The following HAO1 variants were observed in gnomAD, a reference collection of about 807,000 sequenced individuals.
HAO1 encodes the protein 2-Hydroxyacid oxidase 1.
In HAO1, 34 loss-of-function variants were observed where a neutral mutation model predicts 39.7. That is an observed-to-expected ratio of 0.86 (90% confidence interval 0.65 to 1.14). The LOEUF (loss-of-function observed/expected upper bound fraction) is 1.14. Among genes scored for constraint, HAO1 ranks in the 50% most tolerant of loss-of-function variants. HAO1 has a pLI of 0.00. For missense variants in HAO1, 479 were observed against 464.5 expected (o/e 1.03, Z -0.29); for synonymous variants, 172 against 173.2 (o/e 0.99, Z 0.05).
intron 3 of HAO1, among the ~76,000 whole-genome samples, chr20:7,907,084 T>C (rs1399891424): frequency 6.6e-6 from 1 of 152,166 alleles, no homozygotes; most frequent in African/African-American, 2.4e-5. Flanking sequence ...GCAGTAGTGA[T>C]GGTGGTGGTG....
intron 2 of HAO1, among the ~76,000 whole-genome samples, chr20:7,917,656 A>G (rs77614599): frequency 0.089 from 13,566 of 152,152 alleles, 761 homozygotes; most frequent in African/African-American, 0.16. Context: ...GTGGATGCAC[A>G]AAGGGGTCTG....
chr20:7,919,804 TTGCCAAGGACC>T (rs1301269855), intron 2 of HAO1, among the ~76,000 whole-genome samples: 3 of 152,214 alleles, frequency 2.0e-5, no homozygotes, highest in Non-Finnish European at 2.9e-5. Context: ...ATTTCTAATT[TTGCCAAGGACC>T]TGAATTTCTT....
At chr20:7,908,661 A>T (rs556384278) in intron 3 of HAO1, among the ~76,000 whole-genome samples, 1 of 152,288 alleles carries the variant, frequency 6.6e-6, no homozygotes, top group South Asian at 2.1e-4. Flanking sequence ...TCACGGACTC[A>T]GATGGCCATT....
intron 2 of HAO1, among the ~76,000 whole-genome samples, chr20:7,919,608 C>T (rs755616494): frequency 6.6e-6 from 1 of 152,140 alleles, no homozygotes; most frequent in Non-Finnish European, 1.5e-5. Flanking sequence ...CCATGAAGTA[C>T]GTTCTATCTG....
intron 5 of HAO1, among the ~76,000 whole-genome samples, chr20:7,890,925 G>A (rs982693692): frequency 3.9e-5 from 6 of 151,984 alleles, no homozygotes; most frequent in East Asian, 1.9e-4. Flanking sequence ...TATGTACCAC[G>A]GTTTCTTTGT....
chr20:7,889,089 C>T (rs545187812), intron 5 of HAO1, among the ~76,000 whole-genome samples: 13 of 152,216 alleles, frequency 8.5e-5, no homozygotes, highest in South Asian at 2.1e-4. Context: ...GTAATAATGA[C>T]GATTGTGGTT....
intron 2 of HAO1, among the ~76,000 whole-genome samples, chr20:7,932,347 G>T (rs1284220552): frequency 6.6e-6 from 1 of 152,154 alleles, no homozygotes; most frequent in Non-Finnish European, 1.5e-5. Flanking sequence ...TGGCTCCAGG[G>T]TGCCTTACCA....
intron 5 of HAO1, among the ~76,000 whole-genome samples, chr20:7,894,031 A>T (rs1330878078): frequency 6.6e-6 from 1 of 152,152 alleles, no homozygotes; most frequent in East Asian, 1.9e-4. Context: ...GCCAGAGCAG[A>T]AGCAAAAAAT....
chr20:7,901,097 C>A (rs1240239797), intron 4 of HAO1, among the ~76,000 whole-genome samples: 1 of 152,110 alleles, frequency 6.6e-6, no homozygotes, highest in Non-Finnish European at 1.5e-5. Context: ...GGTGAGGAAG[C>A]TGCAGAAAAA....
At chr20:7,910,773 C>A (rs2050275505) in intron 3 of HAO1, among the ~76,000 whole-genome samples, 2 of 152,138 alleles carry the variant, frequency 1.3e-5, no homozygotes, top group African/African-American at 2.4e-5. Flanking sequence ...CTCATGGACA[C>A]CTTTATCCTG....
At chr20:7,936,550 G>GTGTT (rs1292549632) in intron 1 of HAO1, among the ~76,000 whole-genome samples, 48 of 141,138 alleles carry the variant, frequency 3.4e-4, no homozygotes, top group African/African-American at 9.2e-4. Flanking sequence ...GTGTGTGTTC[G>GTGTT]CGCGCGCGCG....
chr20:7,916,975 T>C (rs940769008), intron 2 of HAO1, among the ~76,000 whole-genome samples: 5 of 152,232 alleles, frequency 3.3e-5, no homozygotes, highest in African/African-American at 1.2e-4. Flanking sequence ...CACTTACTGC[T>C]GTTTGAAAGG....
At chr20:7,909,389 A>ATATATATGTATATATG (rs1568514592) in intron 3 of HAO1, among the ~76,000 whole-genome samples, 8 of 140,994 alleles carry the variant, frequency 5.7e-5, no homozygotes, top group Admixed American at 3.5e-4. Context: ...GTATATATAT[A>ATATATATGTATATATG]TATATATATA....
chr20:7,933,833 T>C (rs932308437), intron 2 of HAO1, among the ~76,000 whole-genome samples: 1 of 152,194 alleles, frequency 6.6e-6, no homozygotes, highest in Non-Finnish European at 1.5e-5. Context: ...AAATTAGCCC[T>C]AATAAGAGAT....
At chr20:7,914,515 C>T (rs1447156704) in intron 2 of HAO1, 96 bp from the exon 3 acceptor site, 8 of 1,319,362 alleles carry the variant, frequency 6.1e-6, no homozygotes, top group East Asian at 2.4e-5. Flanking sequence ...TCTAGAAGGG[C>T]AATTTGGCAA....
intron 3 of HAO1, among the ~76,000 whole-genome samples, chr20:7,911,805 A>C (rs997896538): frequency 1.3e-5 from 2 of 152,236 alleles, no homozygotes; most frequent in Non-Finnish European, 2.9e-5. Flanking sequence ...CACTTATGAA[A>C]AGCCAGGCTT....
chr20:7,926,318 G>T (rs946994532), intron 2 of HAO1, among the ~76,000 whole-genome samples: 2 of 152,018 alleles, frequency 1.3e-5, no homozygotes, highest in African/African-American at 4.8e-5. Context: ...CATTGCACCT[G>T]ATACATGACA....
chr20:7,925,446 A>C (rs1161699453), intron 2 of HAO1, among the ~76,000 whole-genome samples: 1 of 152,140 alleles, frequency 6.6e-6, no homozygotes, highest in Non-Finnish European at 1.5e-5. Flanking sequence ...GGGACATCTT[A>C]GCTCTCCCTT....
intron 4 of HAO1, among the ~76,000 whole-genome samples, chr20:7,902,041 CT>C (rs2050223462): frequency 6.6e-6 from 1 of 152,190 alleles, no homozygotes; most frequent in South Asian, 2.1e-4. Context: ...TGAAGAGTTT[CT>C]TCTTATGATG....
Sources: gnomAD v4.1 joint callset for allele counts (sites outside exome capture counted in the v4.1 genomes callset) on GRCh38, gnomAD v4.1.1 for gene constraint, MANE v1.5 for transcripts, NCBI Gene and HGNC (gene_info 2026-07-23, HGNC 2026-07-21) for gene names.